Variants in CDIN1 observed in about 807,000 individuals in gnomAD.
CDIN1 encodes CDAN1 interacting nuclease 1.
In CDIN1, 33 loss-of-function variants were observed where a neutral mutation model predicts 45.3. That is an observed-to-expected ratio of 0.73 (90% CI 0.55 to 0.97). The LOEUF (loss-of-function observed/expected upper bound fraction) is 0.97, where lower values mean the gene tolerates loss of function less well. Ranked by LOEUF, CDIN1 falls within the 50% of genes least tolerant of loss-of-function variation. CDIN1 has a pLI of 0.00. For missense variants in CDIN1, 303 were observed against 339.4 expected, an observed-to-expected ratio of 0.89 and a Z score of 0.84; for synonymous variants, 118 against 124.4, an observed-to-expected ratio of 0.95 and a Z score of 0.34.
intron 3 of CDIN1, among the ~76,000 whole-genome samples, chr15:36,645,719 A>T (rs1055775558): frequency 3.3e-5 from 5 of 152,086 alleles, no homozygotes; most frequent in Non-Finnish European, 7.4e-5. Flanking sequence ...TTGAATTTGG[A>T]TGTCATTTTA....
chr15:36,745,367 A>G (rs922632492), intron 10 of CDIN1, among the ~76,000 whole-genome samples: 3 of 152,154 alleles, frequency 2.0e-5, no homozygotes, highest in African/African-American at 7.2e-5. Flanking sequence ...ATATTTTTAA[A>G]TTAACCATTT....
rs1190912066 is a variant in CDIN1 at position 36,619,511 on chromosome 15, CTAT to C, written c.102-24766_102-24764del. On this transcript the variant is annotated intron_variant, in intron 1 of 10. Coordinates refer to ENST00000566621, the MANE Select transcript of CDIN1 (RefSeq NM_001321759.2). ...TCTATCTATCTATCTATCTATCTATCTATCTATCCATCCATCCACACACACATA... is the reference window on the plus strand; with the variant it reads ...TCTATCTATCTATCTATCTATCTATCCTATCCATCCATCCACACACACATA... Among the ~76,000 whole-genome samples, 17 of 151,612 alleles carry C rather than the reference CTAT, an allele frequency of 1.1e-4. No homozygotes were observed. In the South Asian group the frequency reaches 1.5e-3, roughly 13 times the overall value.
intron 10 of CDIN1, among the ~76,000 whole-genome samples, chr15:36,733,720 A>C (rs189535299): frequency 6.6e-6 from 1 of 152,142 alleles, no homozygotes. Context: ...TGTAACAACT[A>C]TGAGGAAATG....
intron 4 of CDIN1, among the ~76,000 whole-genome samples, chr15:36,656,761 T>C (rs1474432069): frequency 6.6e-6 from 1 of 152,180 alleles, no homozygotes; most frequent in African/African-American, 2.4e-5. Context: ...TTCTTTCTAC[T>C]TGGGGAATTT....
intron 10 of CDIN1, among the ~76,000 whole-genome samples, chr15:36,775,848 TTTTC>T (rs759452304): frequency 1.3e-5 from 2 of 152,220 alleles, no homozygotes; most frequent in Non-Finnish European, 2.9e-5. Context: ...AGCTTAGAAT[TTTTC>T]TTTGGTTTCT....
At chr15:36,643,456 G>A (rs1236364288) in intron 1 of CDIN1, among the ~76,000 whole-genome samples, 1 of 152,198 alleles carries the variant, frequency 6.6e-6, no homozygotes, top group Non-Finnish European at 1.5e-5. Flanking sequence ...CATTTAGTAG[G>A]AAAATAGAAA....
At chr15:36,770,791 G>A (rs12898765) in intron 10 of CDIN1, among the ~76,000 whole-genome samples, 9 of 152,154 alleles carry the variant, frequency 5.9e-5, no homozygotes, top group African/African-American at 2.2e-4. Flanking sequence ...TTGGCCTCTA[G>A]GAGATCTATC....
chr15:36,746,669 C>CACACACACACACACACA lies in CDIN1; in HGVS notation c.716+36708_716+36709insACACACACACACACACA, dbSNP rs2044448487. On this transcript the variant is annotated intron_variant, in intron 10 of 10. Transcript: ENST00000566621. ...GCATATCATATATAAATATATGGTTCCACACACACACACACACACACACAC... is the reference window on the plus strand; with the variant it reads ...GCATATCATATATAAATATATGGTTCACACACACACACACACACACACACACACACACACACACACAC... 3.7e-4 allele frequency among the ~76,000 whole-genome samples: 52 copies of CACACACACACACACACA among 141,502 alleles called. No homozygotes were observed. In the East Asian group the frequency reaches 0.01, roughly 28 times the overall value. The allele number at this position is 141,502 out of a possible 152,430, so 92.8% of individuals were successfully genotyped here.
Position 36,743,978 on chromosome 15 carries a change from CTT to C in CDIN1, c.716+34031_716+34032del, listed in dbSNP as rs34573450. ...TCTTCATTCTAAAGACATTTTTTGT[CTT>C]TTTTTTTTTTTTTCTTAAAAAGTCT... On this transcript the variant is annotated intron_variant, in intron 10 of 10. Transcript: ENST00000566621. Among the ~76,000 whole-genome samples the C allele has an allele frequency of 5.2e-3, 730 of 139,696 alleles. 8 individuals are homozygous for C. Among genetic ancestry groups the C allele is most frequent in the Admixed American group, 0.037 (524 of 14,106 alleles). The allele number at this position is 139,696 out of a possible 152,430, so 91.6% of individuals were successfully genotyped here. A position where few individuals can be genotyped will look rare whatever the true frequency, so the allele number is the denominator to read the frequency against.
At chr15:36,617,680 G>A (rs992059863) in intron 1 of CDIN1, 12 of 770,184 alleles carry the variant, frequency 1.6e-5, no homozygotes, top group African/African-American at 1.5e-4. Flanking sequence ...AGTCATAAGC[G>A]TTGTATTGTG....
At position 36,703,349 on chromosome 15, in the gene CDIN1, TAC is replaced by T. The variant is rs1491155465; in HGVS notation, c.545-5872_545-5871del. Among the ~76,000 whole-genome samples the T allele has an allele frequency of 4.3e-3, 388 of 91,026 alleles. 17 individuals are homozygous for T. The highest frequency in any genetic ancestry group is 0.014 in the African/African-American group (317 of 23,398). 59.7% of individuals were successfully genotyped at this position (91,026 alleles called of 152,430 possible). ...ATATCAGATAGATCTATCAGATATA[TAC>T]ATATATCAGATAGATCTATCATATA... On this transcript the variant is annotated intron_variant, in intron 8 of 10. Coordinates refer to ENST00000566621, the MANE Select transcript of CDIN1 (RefSeq NM_001321759.2).
At chr15:36,698,315 A>G (rs1247419793) in intron 8 of CDIN1, among the ~76,000 whole-genome samples, 1 of 152,224 alleles carries the variant, frequency 6.6e-6, no homozygotes, top group East Asian at 1.9e-4. Flanking sequence ...ATAAAATTGA[A>G]TGTATTATAA....
At chr15:36,617,423 C>A in intron 1 of CDIN1, 1 of 1,267,918 alleles carries the variant, frequency 7.9e-7, no homozygotes, top group Non-Finnish European at 1.2e-6. Context: ...GAAAGCAATT[C>A]AGCAATTTCT....
intron 3 of CDIN1, among the ~76,000 whole-genome samples, chr15:36,650,407 TTTA>T (rs2040524654): frequency 0.2 from 322 of 1,626 alleles, 3 homozygotes; most frequent in African/African-American, 0.34. Context: ...AAAATTTTTA[TTTA>T]TTTATTTATT....
chr15:36,703,693 G>A (rs1300928979), intron 8 of CDIN1, among the ~76,000 whole-genome samples: 3 of 152,044 alleles, frequency 2.0e-5, no homozygotes, highest in Non-Finnish European at 4.4e-5. Context: ...TTGGTCCTGT[G>A]CATGGGTGCA....
At chr15:36,713,204 G>C (rs1210601745) in intron 10 of CDIN1, among the ~76,000 whole-genome samples, 1 of 152,044 alleles carries the variant, frequency 6.6e-6, no homozygotes, top group Non-Finnish European at 1.5e-5. Context: ...TGAAAATATT[G>C]AGTGACCTTA....
chr15:36,713,215 A>C (rs952222305), intron 10 of CDIN1, among the ~76,000 whole-genome samples: 1 of 152,114 alleles, frequency 6.6e-6, no homozygotes, highest in Non-Finnish European at 1.5e-5. Flanking sequence ...AGTGACCTTA[A>C]ATGACAGAGA....
chr15:36,737,695 A>C (rs753163149), intron 10 of CDIN1, among the ~76,000 whole-genome samples: 1 of 152,208 alleles, frequency 6.6e-6, no homozygotes, highest in Non-Finnish European at 1.5e-5. Context: ...GTCAGAGGAC[A>C]ATCACTTAAT....
chr15:36,782,555 CAAGAGA>C (rs1223407473), intron 10 of CDIN1, among the ~76,000 whole-genome samples: 2 of 152,084 alleles, frequency 1.3e-5, no homozygotes, highest in Admixed American at 6.5e-5. Flanking sequence ...TTTTAAACCA[CAAGAGA>C]AAGAGAAAGA....
Sources: gnomAD v4.1 joint callset for allele counts (sites outside exome capture counted in the v4.1 genomes callset) on GRCh38, gnomAD v4.1.1 for gene constraint, MANE v1.5 for transcripts, NCBI Gene and HGNC (gene_info 2026-07-23, HGNC 2026-07-21) for gene names.